NHS: variants seen among roughly 807,000 people sequenced by gnomAD.
NHS encodes actin remodeling regulator NHS.
Under a neutral mutation model 72.5 loss-of-function variants are expected in NHS, and 5 were observed. The ratio of observed to expected loss-of-function variants is 0.07; its 90% CI spans 0.04 to 0.14. The LOEUF is 0.14. NHS is among the 10% of genes least tolerant of loss of function. The pLI is 1.00. For missense variants in NHS, 1,072 were observed against 1,355.7 expected, an observed-to-expected ratio of 0.79 and a Z score of 3.29; for synonymous variants, 464 against 547.7, an observed-to-expected ratio of 0.85 and a Z score of 2.13.
intron 1 of NHS, among the ~76,000 whole-genome samples, chrX:17,475,587 G>T (rs1371258097): frequency 9.0e-6 from 1 of 111,682 alleles, no homozygotes; most frequent in Non-Finnish European, 1.9e-5. Context: ...CATCTCCCCT[G>T]CCTGTTTGCA....
chrX:17,690,559 A>AC (rs2066189824), intron 2 of NHS, among the ~76,000 whole-genome samples: 1 of 111,834 alleles, frequency 8.9e-6, no homozygotes, highest in East Asian at 2.8e-4. Flanking sequence ...TTGATAGCAA[A>AC]CCCCCCAACA....
chrX:17,541,582 T>C (rs906378743), intron 1 of NHS, among the ~76,000 whole-genome samples: 8 of 111,451 alleles, frequency 7.2e-5, no homozygotes, highest in Non-Finnish European at 1.5e-4. Context: ...GTTAATAAAA[T>C]ATAAAGTAAG....
intron 1 of NHS, among the ~76,000 whole-genome samples, chrX:17,583,537 G>A (rs2065555732): frequency 8.9e-6 from 1 of 112,207 alleles, no homozygotes; most frequent in South Asian, 3.7e-4. Flanking sequence ...CACCAGACGT[G>A]GCCACCCAAA....
At chrX:17,597,663 C>T (rs2065631486) in intron 1 of NHS, among the ~76,000 whole-genome samples, 1 of 110,144 alleles carries the variant, frequency 9.1e-6, no homozygotes, top group Non-Finnish European at 1.9e-5. Flanking sequence ...TATTTTTTTT[C>T]CAGGCACAGG....
At chrX:17,458,520 T>C (rs2146894192) in intron 1 of NHS, among the ~76,000 whole-genome samples, 1 of 107,434 alleles carries the variant, frequency 9.3e-6, no homozygotes, top group Non-Finnish European at 1.9e-5. Context: ...CGAGAGGGAG[T>C]CTCACTCTGT....
intron 1 of NHS, among the ~76,000 whole-genome samples, chrX:17,457,276 G>C (rs113699583): frequency 8.9e-6 from 1 of 111,777 alleles, no homozygotes; most frequent in Non-Finnish European, 1.9e-5. Context: ...TTTATAAAGA[G>C]AAGAGGTTTA....
At chrX:17,568,053 C>T (rs2065454388) in intron 1 of NHS, among the ~76,000 whole-genome samples, 1 of 111,812 alleles carries the variant, frequency 8.9e-6, no homozygotes, top group African/African-American at 3.3e-5. Context: ...CAGCACAGGC[C>T]TCAGGCAATT....
rs188405509 is a variant in NHS at position 17,589,338 on chromosome X, C to T, written c.566-98404C>T. On this transcript the variant is annotated intron_variant, in intron 1 of 8. Transcript: ENST00000676302. The stretch of plus-strand genomic sequence containing the variant: ...TCCCACTCTTTTTACTCCTGAGTCC[C>T]CAAAATCCATTGTGTCATTCTTATG... Among the ~76,000 whole-genome samples the T allele has an allele frequency of 8.6e-4, 95 of 110,912 alleles. No homozygotes were observed. In the Middle Eastern group the frequency reaches 0.014, roughly 16 times the overall value.
At chrX:17,386,200 G>T (rs756544349) in intron 1 of NHS, among the ~76,000 whole-genome samples, 9 of 111,862 alleles carry the variant, frequency 8.0e-5, no homozygotes, top group Non-Finnish European at 1.3e-4. Flanking sequence ...CATCTTTTAA[G>T]GGTCTGGAGG....
At chrX:17,398,096 C>A (rs2064485208) in intron 1 of NHS, among the ~76,000 whole-genome samples, 1 of 112,037 alleles carries the variant, frequency 8.9e-6, no homozygotes, top group African/African-American at 3.2e-5. Flanking sequence ...CTTAGAGAAA[C>A]TGAAGAAGAT....
intron 1 of NHS, among the ~76,000 whole-genome samples, chrX:17,414,910 A>G (rs988980279): frequency 9.0e-6 from 1 of 111,395 alleles, no homozygotes; most frequent in African/African-American, 3.3e-5. Flanking sequence ...CAAGGGTTCA[A>G]GAATGGAGGA....
chrX:17,571,146 TCCA>T (rs2146974329), intron 1 of NHS, among the ~76,000 whole-genome samples: 1 of 112,076 alleles, frequency 8.9e-6, no homozygotes, highest in South Asian at 3.7e-4. Context: ...TTGTTGTGTC[TCCA>T]TCAGGCTTTG....
intron 1 of NHS, among the ~76,000 whole-genome samples, chrX:17,496,756 A>C (rs1455185555): frequency 8.9e-6 from 1 of 111,874 alleles, no homozygotes; most frequent in African/African-American, 3.3e-5. Context: ...ACCCTCTCCC[A>C]ATTTGCTGGA....
chrX:17,718,651 AAGG>A (rs1379110543), intron 3 of NHS, among the ~76,000 whole-genome samples: 25 of 92,435 alleles, frequency 2.7e-4, no homozygotes, highest in Non-Finnish European at 5.2e-4. Flanking sequence ...AGGAAGAAGG[AAGG>A]AAGGGAAGTA....
At chrX:17,386,314 G>A (rs752267084) in intron 1 of NHS, among the ~76,000 whole-genome samples, 1 of 111,310 alleles carries the variant, frequency 9.0e-6, no homozygotes, top group South Asian at 3.8e-4. Flanking sequence ...TTCCCACTCT[G>A]GTTGTCCTCT....
At chrX:17,615,419 AT>A (rs1164559190) in intron 1 of NHS, among the ~76,000 whole-genome samples, 51 of 98,114 alleles carry the variant, frequency 5.2e-4, no homozygotes, top group Admixed American at 6.7e-4. Flanking sequence ...CACTCGGCTA[AT>A]TTTTTTTTTT....
chrX:17,670,804 AC>A lies in NHS; in HGVS notation c.566-16936del, dbSNP rs760408969. 9.0e-5 allele frequency among the ~76,000 whole-genome samples: 10 copies of A among 111,374 alleles called. No individual in the cohort carries two copies. The East Asian group carries it at 2.8e-3, about 31-fold the overall frequency. On this transcript the variant is annotated intron_variant, in intron 1 of 8. Coordinates refer to ENST00000676302, the MANE Select transcript of NHS (RefSeq NM_001291867.2). ...GCAGGTTGGTGTCATCTGCAATTTC[AC>A]CTCTATTCCAATTGCTGCATGGGTT...
At chrX:17,403,812 C>T (rs2064514069) in intron 1 of NHS, among the ~76,000 whole-genome samples, 1 of 111,542 alleles carries the variant, frequency 9.0e-6, no homozygotes, top group Non-Finnish European at 1.9e-5. Context: ...TAGTGTCCTT[C>T]ACTCCTGGCC....
chrX:17,690,411 T>G (rs765382499), intron 2 of NHS, among the ~76,000 whole-genome samples: 6 of 112,128 alleles, frequency 5.4e-5, no homozygotes, highest in Non-Finnish European at 1.1e-4. Flanking sequence ...GCTTCCACCA[T>G]GAGGGAGTGG....
Sources: gnomAD v4.1 joint callset for allele counts (sites outside exome capture counted in the v4.1 genomes callset) on GRCh38, gnomAD v4.1.1 for gene constraint, MANE v1.5 for transcripts, NCBI Gene and HGNC (gene_info 2026-07-23, HGNC 2026-07-21) for gene names.